Variants in INPP4B observed in about 807,000 individuals in gnomAD.
The protein encoded by INPP4B is inositol polyphosphate 4-phosphatase type II.
In INPP4B, 55 loss-of-function variants were observed where a neutral mutation model predicts 122.5. The observed-to-expected ratio is 0.45, with a 90% confidence interval of 0.36 to 0.56. The LOEUF (loss-of-function observed/expected upper bound fraction) is 0.56, where lower values mean the gene tolerates loss of function less well. Among genes scored for constraint, INPP4B ranks in the 20% least tolerant of loss-of-function variants. The pLI is 0.00. For synonymous variants in INPP4B, 403 were observed against 388.7 expected (o/e 1.04, Z -0.43); for missense variants, 1,000 against 1,097.7 (o/e 0.91, Z 1.26).
At chr4:142,808,004 G>C (rs1779061694) in intron 1 of INPP4B, among the ~76,000 whole-genome samples, 2 of 152,010 alleles carry the variant, frequency 1.3e-5, no homozygotes. Flanking sequence ...AAGTTGCCAA[G>C]TTCCATCATC....
chr4:142,658,563 A>G (rs1460405313), intron 2 of INPP4B, among the ~76,000 whole-genome samples: 1 of 152,252 alleles, frequency 6.6e-6, no homozygotes, highest in Non-Finnish European at 1.5e-5. Context: ...TGGTTCCTCT[A>G]GAATTTTGAA....
At chr4:142,556,257 T>A (rs1310838145) in intron 2 of INPP4B, among the ~76,000 whole-genome samples, 1 of 152,174 alleles carries the variant, frequency 6.6e-6, no homozygotes, top group Non-Finnish European at 1.5e-5. Flanking sequence ...CCAAGAAACT[T>A]CTTTGGTGCA....
At chr4:142,223,657 A>T (rs755394696) in intron 12 of INPP4B, among the ~76,000 whole-genome samples, 3 of 152,202 alleles carry the variant, frequency 2.0e-5, no homozygotes, top group Non-Finnish European at 4.4e-5. Flanking sequence ...AATGAACTTA[A>T]TGACACACAG....
intron 2 of INPP4B, among the ~76,000 whole-genome samples, chr4:142,504,874 AAGTG>A (rs1322630960): frequency 2.0e-5 from 3 of 152,094 alleles, no homozygotes; most frequent in Admixed American, 2.0e-4. Context: ...CAACACAAGC[AAGTG>A]TTACCTTGCT....
At chr4:142,585,232 C>T (rs1337548862) in intron 2 of INPP4B, among the ~76,000 whole-genome samples, 1 of 152,146 alleles carries the variant, frequency 6.6e-6, no homozygotes, top group Non-Finnish European at 1.5e-5. Context: ...GTTCCTTTCA[C>T]TCAAGAATGA....
intron 7 of INPP4B, among the ~76,000 whole-genome samples, chr4:142,379,639 A>G (rs1793325727): frequency 6.6e-6 from 1 of 152,216 alleles, no homozygotes; most frequent in African/African-American, 2.4e-5. Context: ...AAAACCTTAC[A>G]GTAATTAAAA....
chr4:142,197,967 C>T (rs970204219), intron 14 of INPP4B, among the ~76,000 whole-genome samples: 5 of 152,012 alleles, frequency 3.3e-5, no homozygotes, highest in African/African-American at 1.2e-4. Flanking sequence ...CTTAGATTTT[C>T]CATTAGCTGC....
intron 23 of INPP4B, among the ~76,000 whole-genome samples, chr4:142,102,428 T>G (rs1784901031): frequency 6.6e-6 from 1 of 151,568 alleles, no homozygotes; most frequent in Non-Finnish European, 1.5e-5. Flanking sequence ...GTTGATCAGA[T>G]TTTTAGTTGG....
chr4:142,035,670 AAAC>A (rs1452001895), intron 25 of INPP4B, among the ~76,000 whole-genome samples: 3 of 152,214 alleles, frequency 2.0e-5, no homozygotes, highest in African/African-American at 7.2e-5. Flanking sequence ...ATATTTGGGT[AAAC>A]AATAGTCATA....
At chr4:142,253,705 C>T (rs547502964) in intron 11 of INPP4B, among the ~76,000 whole-genome samples, 20 of 152,310 alleles carry the variant, frequency 1.3e-4, no homozygotes, top group African/African-American at 2.6e-4. Flanking sequence ...GAGGGTCCTA[C>T]GCCCACGGAG....
chr4:142,701,312 C>A (rs559928577), intron 2 of INPP4B, among the ~76,000 whole-genome samples: 1 of 152,054 alleles, frequency 6.6e-6, no homozygotes, highest in Admixed American at 6.5e-5. Context: ...GTAGGAGATG[C>A]CCCAAAACAG....
intron 2 of INPP4B, among the ~76,000 whole-genome samples, chr4:142,657,783 A>T (rs534839235): frequency 6.5e-4 from 99 of 152,350 alleles, no homozygotes; most frequent in African/African-American, 2.3e-3. Flanking sequence ...CATTTTGGAA[A>T]AATAAATGAC....
chr4:142,065,938 CA>C (rs1763304424), intron 25 of INPP4B, among the ~76,000 whole-genome samples: 1 of 152,160 alleles, frequency 6.6e-6, no homozygotes, highest in African/African-American at 2.4e-5. Flanking sequence ...CAGGAACCTT[CA>C]TGTGTTCAGC....
At chr4:142,768,157 T>C (rs1772445032) in intron 1 of INPP4B, among the ~76,000 whole-genome samples, 1 of 152,186 alleles carries the variant, frequency 6.6e-6, no homozygotes, top group South Asian at 2.1e-4. Flanking sequence ...ACCTGGCATA[T>C]AGCAAGGGAT....
intron 5 of INPP4B, among the ~76,000 whole-genome samples, chr4:142,412,576 C>T (rs1049140650): frequency 6.6e-6 from 1 of 152,200 alleles, no homozygotes; most frequent in African/African-American, 2.4e-5. Flanking sequence ...GTTGGAAATA[C>T]TCTCTTCACT....
At chr4:142,147,242 T>C (rs1308989201) in intron 17 of INPP4B, among the ~76,000 whole-genome samples, 1 of 152,166 alleles carries the variant, frequency 6.6e-6, no homozygotes, top group Non-Finnish European at 1.5e-5. Flanking sequence ...GGATTGTACA[T>C]TTTTTCTCAA....
intron 11 of INPP4B, among the ~76,000 whole-genome samples, chr4:142,247,917 A>G (rs1454840041): frequency 2.6e-5 from 4 of 152,178 alleles, no homozygotes; most frequent in Non-Finnish European, 5.9e-5. Context: ...CTGTTATCTG[A>G]AGTGTAAATT....
chr4:142,386,710 C>T (rs1796084098), intron 7 of INPP4B, among the ~76,000 whole-genome samples: 1 of 152,194 alleles, frequency 6.6e-6, no homozygotes, highest in African/African-American at 2.4e-5. Context: ...TCTTTTTCCA[C>T]TATGTGGCTC....
chr4:142,398,428 ATATATATATATATAT>A lies in INPP4B; in HGVS notation c.372+4495_372+4509del, dbSNP rs1156586389. On this transcript the variant is annotated intron_variant, in intron 7 of 25. Transcript: ENST00000262992. ...TATATATATATATATATATATATAT[ATATATATATATATAT>A]ATAAAACATATTAAACATAGTGCTT... Among the ~76,000 whole-genome samples, 21 of 114,770 alleles carry A rather than the reference ATATATATATATATAT, an allele frequency of 1.8e-4. 1 individual carries two copies. The highest frequency in any genetic ancestry group is 3.4e-4 in the Non-Finnish European group (19 of 55,802). The allele number at this position is 114,770 out of a possible 152,430, so 75.3% of individuals were successfully genotyped here.
Sources: allele counts gnomAD v4.1 joint callset (sites outside exome capture counted in the v4.1 genomes callset), GRCh38; gene constraint gnomAD v4.1.1; transcripts MANE v1.5; gene names NCBI Gene and HGNC (gene_info 2026-07-23, HGNC 2026-07-21).